WDR20: variants seen among roughly 807,000 people sequenced by gnomAD.
WDR20 encodes WD repeat-containing protein 20.
In WDR20, 3 loss-of-function variants were observed where a neutral mutation model predicts 38.7. That is an observed-to-expected ratio of 0.08 (90% CI 0.04 to 0.20). The LOEUF is 0.20. Ranked by LOEUF, WDR20 falls within the 10% of genes least tolerant of loss-of-function variation. The pLI is 1.00. For missense variants in WDR20, 559 were observed against 727.7 expected (o/e 0.77, Z 2.67); for synonymous variants, 298 against 285.6 (o/e 1.04, Z -0.44).
At chr14:102,179,227 TATTC>T (rs1183050126) in intron 1 of WDR20, among the ~76,000 whole-genome samples, 2 of 152,082 alleles carry the variant, frequency 1.3e-5, no homozygotes, top group Non-Finnish European at 2.9e-5. Flanking sequence ...TATTTAATAA[TATTC>T]ATTTATTTAC....
intron 1 of WDR20, among the ~76,000 whole-genome samples, chr14:102,178,045 G>A (rs1290747703): frequency 6.6e-6 from 1 of 152,120 alleles, no homozygotes; most frequent in Non-Finnish European, 1.5e-5. Context: ...TTTATAACAT[G>A]AGTTTGTATC....
At position 102,195,131 on chromosome 14, in the gene WDR20, C is replaced by T; in HGVS notation, c.432+11C>T. On this transcript the variant is annotated intron_variant, in intron 2 of 2. Coordinates refer to ENST00000342702, the MANE Select transcript of WDR20 (RefSeq NM_144574.4). ...CTTTTTAATGAGGAAGTAAGTAGCA[C>T]CCTGTCTTAGCTGTTAAGAATCCCT... 1 of 1,613,570 alleles carries T rather than the reference C, an allele frequency of 6.2e-7. No individual in the cohort carries two copies.
At chr14:102,200,220 CCCCAAT>C (rs1431851923) in intron 2 of WDR20, among the ~76,000 whole-genome samples, 4 of 152,252 alleles carry the variant, frequency 2.6e-5, no homozygotes, top group Admixed American at 1.3e-4. Flanking sequence ...TCTCTGCTTT[CCCCAAT>C]CTTCCAGAGT....
chr14:102,199,391 A>T (rs1016817480), intron 2 of WDR20, among the ~76,000 whole-genome samples: 7 of 151,876 alleles, frequency 4.6e-5, no homozygotes, highest in Non-Finnish European at 1.5e-5. Context: ...CTTTCCTGGG[A>T]GGGGTGGTGT....
intron 1 of WDR20, among the ~76,000 whole-genome samples, chr14:102,184,140 C>G (rs997016523): frequency 1.3e-5 from 2 of 152,114 alleles, no homozygotes; most frequent in Non-Finnish European, 2.9e-5. Flanking sequence ...GTGATGAGAT[C>G]TGGTGTTAGT....
chr14:102,139,872 C>A, upstream of WDR20: 2 of 1,591,784 alleles, frequency 1.3e-6, no homozygotes, highest in Non-Finnish European at 1.7e-6. Context: ...ACAGCGCCTG[C>A]GCGGTGGGCG....
At chr14:102,198,817 T>G (rs888267169) in intron 2 of WDR20, among the ~76,000 whole-genome samples, 8 of 152,142 alleles carry the variant, frequency 5.3e-5, no homozygotes, top group Admixed American at 5.2e-4. Flanking sequence ...GGGTGTCTCT[T>G]GCTGTGTTGG....
exon 4 of WDR20, chr14:102,223,045 C>T: frequency 1.4e-6 from 1 of 692,052 alleles, no homozygotes; most frequent in Non-Finnish European, 2.4e-6. Context: ...CGGCGCCGTG[C>T]TCCCGCTGCT....
rs563474381 is a variant in WDR20, at chr14:102,190,706, T to C, written c.250-4232T>C. Among the ~76,000 whole-genome samples the C allele has an allele frequency of 9.4e-5, 14 of 148,908 alleles. No homozygotes were observed. The East Asian group carries it at 2.5e-3, about 26-fold the overall frequency. ...TTTTCCTACATTGACTTGATAGAAA[T>C]TAGGAGGCCACAGGCCAGGTGTGGT... On this transcript the variant is annotated intron_variant, in intron 1 of 2. Coordinates refer to ENST00000342702, the MANE Select transcript of WDR20 (RefSeq NM_144574.4).
At chr14:102,195,250 A>G in intron 2 of WDR20, 130 bp downstream of exon 2, 1 of 953,340 alleles carries the variant, frequency 1.0e-6, no homozygotes, top group Non-Finnish European at 1.5e-6. Context: ...CCTACCTAGT[A>G]TGCCCAAGTT....
At chr14:102,212,391 G>A (rs993036847), downstream of WDR20, 66 of 1,027,058 alleles carry the variant, frequency 6.4e-5, no homozygotes, top group African/African-American at 7.6e-4. Context: ...CACTGTGCCA[G>A]CCTGGGGAGG....
rs190123161 is a variant in WDR20, at chr14:102,206,949, G to C, written c.433-1654G>C. Among the ~76,000 whole-genome samples, 15 of 152,314 alleles carry C rather than the reference G, an allele frequency of 9.8e-5. No homozygotes were observed. The East Asian group carries it at 2.5e-3, about 25-fold the overall frequency. On this transcript the variant is annotated intron_variant, in intron 2 of 2. Coordinates refer to ENST00000342702, the MANE Select transcript of WDR20 (RefSeq NM_144574.4). ...TAACCCCTTGCTGAGAAAATTGCACGAAGGTCTAATGGAAATCCTGCCAGA... is the reference window on the plus strand; with the variant it reads ...TAACCCCTTGCTGAGAAAATTGCACCAAGGTCTAATGGAAATCCTGCCAGA...
At chr14:102,193,335 C>T (rs1163627477) in intron 1 of WDR20, 9 of 879,316 alleles carry the variant, frequency 1.0e-5, no homozygotes, top group Non-Finnish European at 1.4e-5. Context: ...TGCTGTACAG[C>T]GGCCGCTCCC....
At chr14:102,143,745 A>C (rs953453771) in intron 1 of WDR20, among the ~76,000 whole-genome samples, 2 of 151,758 alleles carry the variant, frequency 1.3e-5, no homozygotes, top group Non-Finnish European at 2.9e-5. Context: ...GGGTTTCATC[A>C]TATTGGCCAG....
At chr14:102,199,197 C>T (rs1292846259) in intron 2 of WDR20, among the ~76,000 whole-genome samples, 8 of 151,744 alleles carry the variant, frequency 5.3e-5, no homozygotes, top group Non-Finnish European at 1.0e-4. Flanking sequence ...CTGCCACTTT[C>T]TGCTTGCAGG....
At chr14:102,176,093 T>A (rs1211186840) in intron 1 of WDR20, among the ~76,000 whole-genome samples, 1 of 152,170 alleles carries the variant, frequency 6.6e-6, no homozygotes, top group African/African-American at 2.4e-5. Context: ...AGAACTATGT[T>A]GAATAAAAGT....
At chr14:102,146,888 C>T (rs570701849) in intron 1 of WDR20, among the ~76,000 whole-genome samples, 1 of 152,224 alleles carries the variant, frequency 6.6e-6, no homozygotes, top group Admixed American at 6.5e-5. Flanking sequence ...TTTGAGAAAT[C>T]TTGTACTTAA....
At chr14:102,194,028 TC>T (rs1321248877) in intron 1 of WDR20, among the ~76,000 whole-genome samples, 2 of 152,136 alleles carry the variant, frequency 1.3e-5, no homozygotes, top group Non-Finnish European at 1.5e-5. Flanking sequence ...AAGTGAGAAA[TC>T]ATTTGCTTTT....
chr14:102,214,037 C>T (rs1175160832), downstream of WDR20: 13 of 985,342 alleles, frequency 1.3e-5, no homozygotes, highest in East Asian at 1.1e-4. Context: ...CCTCCGGTGC[C>T]GGTGGATGGG....
Sources: gnomAD v4.1 joint callset for allele counts (sites outside exome capture counted in the v4.1 genomes callset) on GRCh38, gnomAD v4.1.1 for gene constraint, MANE v1.5 for transcripts, NCBI Gene and HGNC (gene_info 2026-07-23, HGNC 2026-07-21) for gene names.